Variants in OPA3 observed in about 807,000 individuals in gnomAD.
OPA3 encodes the protein optic atrophy 3 protein.
OPA3 carries 6 observed loss-of-function variants against 4.0 expected under a neutral mutation model. The observed-to-expected ratio is 1.51, with a 90% CI of 0.83 to 2.99. OPA3 has a LOEUF of 2.99. OPA3 is among the 30% of genes most tolerant of loss of function. The pLI is 0.00. For missense variants in OPA3, 235 were observed against 256.2 expected (o/e 0.92, Z 0.56); for synonymous variants, 105 against 117.1 (o/e 0.90, Z 0.67).
chr19:45,527,648 GTCC>G (rs892733826), exon 2 of OPA3: 5 of 152,116 alleles, frequency 3.3e-5, no homozygotes, highest in Admixed American at 3.3e-4. Context: ...GCCTCCAGCA[GTCC>G]TCCTGCTTTG....
At chr19:45,571,319 ATT>A (rs55685706) in intron 1 of OPA3, among the ~76,000 whole-genome samples, 91,468 of 151,222 alleles carry the variant, frequency 0.6, 27,724 homozygotes, top group South Asian at 0.67. Flanking sequence ...AATTTTTTGT[ATT>A]TTTTTAGTAG....
intron 1 of OPA3, among the ~76,000 whole-genome samples, chr19:45,564,282 C>G (rs371153529): frequency 1.0e-5 from 1 of 96,450 alleles, no homozygotes; most frequent in Non-Finnish European, 2.0e-5. Context: ...GCTGCTGAGA[C>G]CTAGGCACCC....
At position 45,553,374 on chromosome 19, in the gene OPA3, T is replaced by C. The variant is rs1969365529; in HGVS notation, c.*140A>G. The C allele has an allele frequency of 1.2e-5, 18 of 1,564,296 alleles. No homozygotes were observed. The highest frequency in any genetic ancestry group is 1.3e-5 in the Non-Finnish European group (15 of 1,162,190). ...CAGTGGCAGGTAACGGCTGCTCTTA[T>C]CAGCAGGGGTAACCAAATGCCAAGT... On this transcript the variant is annotated 3_prime_UTR_variant, in exon 2 of 2. Transcript: ENST00000263275.
chr19:45,575,445 GA>G (rs1419851270), intron 1 of OPA3, among the ~76,000 whole-genome samples: 1 of 151,998 alleles, frequency 6.6e-6, no homozygotes, highest in African/African-American at 2.4e-5. Flanking sequence ...TGTAGAAAAA[GA>G]AAACTGAAAC....
intron 1 of OPA3, among the ~76,000 whole-genome samples, chr19:45,530,211 G>A (rs1322106312): frequency 1.3e-5 from 2 of 152,066 alleles, no homozygotes; most frequent in Non-Finnish European, 2.9e-5. Flanking sequence ...AAAATTAGCC[G>A]GGCGTGATAG....
chr19:45,545,175 A>C (rs1016900236), downstream of OPA3, among the ~76,000 whole-genome samples: 4 of 148,778 alleles, frequency 2.7e-5, no homozygotes, highest in South Asian at 2.1e-4. Context: ...AAAAAAAAAA[A>C]AAACAAAAAA....
chr19:45,583,547 G>A (rs1969887147), intron 1 of OPA3, among the ~76,000 whole-genome samples: 1 of 151,964 alleles, frequency 6.6e-6, no homozygotes, highest in East Asian at 1.9e-4. Flanking sequence ...TGTCGCCCAG[G>A]CTGGAGTGCA....
At chr19:45,567,488 A>C (rs1969600881) in intron 1 of OPA3, among the ~76,000 whole-genome samples, 1 of 152,122 alleles carries the variant, frequency 6.6e-6, no homozygotes, top group Non-Finnish European at 1.5e-5. Flanking sequence ...AAGCAGAACT[A>C]ATCAACAAGG....
In OPA3 at chr19:45,550,126, C is replaced by G; in HGVS notation, c.*3388G>C. On this transcript the variant is annotated 3_prime_UTR_variant, in exon 2 of 2. Transcript: ENST00000263275. ...TGAGCCGAGATTGCACCACTGCACT[C>G]CGTCAGGGTGACGGAGCTAGACTGT... The G allele has an allele frequency of 1.2e-6, 1 of 839,462 alleles. No homozygotes were observed. The highest frequency in any genetic ancestry group is 1.4e-6 in the Non-Finnish European group (1 of 697,104). 52.0% of individuals were successfully genotyped at this position (839,462 alleles called of 1,614,324 possible). A position where few individuals can be genotyped will look rare whatever the true frequency, so the allele number is the denominator to read the frequency against.
chr19:45,560,464 T>C (rs116890811), intron 1 of OPA3, among the ~76,000 whole-genome samples: 18 of 152,264 alleles, frequency 1.2e-4, no homozygotes, highest in African/African-American at 2.6e-4. Flanking sequence ...GAGGTGACCA[T>C]GGACAATGGG....
intron 1 of OPA3, among the ~76,000 whole-genome samples, chr19:45,567,464 T>A (rs1422299920): frequency 1.5e-4 from 23 of 151,796 alleles, no homozygotes; most frequent in Admixed American, 1.5e-3. Flanking sequence ...TCCATTTATA[T>A]CAAGTTGAAC....
Position 45,550,453 on chromosome 19 carries a change from G to A in OPA3, c.*3061C>T, listed in dbSNP as rs1969315932. ...CCACTATCAACGCCACCTCTGGGAT[G>A]GTCTGGGCCTCTGTGTAGAGATCGT... On this transcript the variant is annotated 3_prime_UTR_variant, in exon 2 of 2. Coordinates refer to ENST00000263275, the MANE Select transcript of OPA3 (RefSeq NM_025136.4). 2.0e-6 allele frequency: 2 copies of A among 985,804 alleles called. No individual in the cohort carries two copies. Among genetic ancestry groups the A allele is most frequent in the Non-Finnish European group, 2.4e-6 (2 of 830,358 alleles). 61.1% of individuals were successfully genotyped at this position (985,804 alleles called of 1,614,324 possible).
At chr19:45,561,571 G>A (rs1183538698) in intron 1 of OPA3, among the ~76,000 whole-genome samples, 1 of 152,124 alleles carries the variant, frequency 6.6e-6, no homozygotes, top group Non-Finnish European at 1.5e-5. Context: ...ACCGGTAACC[G>A]GAACTGTATA....
In OPA3 at chr19:45,548,551, G is replaced by A; in HGVS notation, c.*4963C>T. 1.0e-6 allele frequency: 1 copy of A among 985,442 alleles called. No individual in the cohort carries two copies. The highest frequency in any genetic ancestry group is 1.2e-6 in the Non-Finnish European group (1 of 829,950). The allele number at this position is 985,442 out of a possible 1,614,324, so 61.0% of individuals were successfully genotyped here. On this transcript the variant is annotated 3_prime_UTR_variant, in exon 2 of 2. Transcript: ENST00000263275. ...AAAAGAAATGTACGTGTGAGCATCT[G>A]TAAGACCCGGTGACGGCAGGGCTGG... is the stretch of plus-strand genomic sequence containing the variant.
intron 1 of OPA3, among the ~76,000 whole-genome samples, chr19:45,571,021 T>G (rs1969658112): frequency 1.3e-5 from 2 of 151,556 alleles, no homozygotes; most frequent in Admixed American, 6.6e-5. Context: ...TTAAAAATTT[T>G]TATGTTCGTT....
intron 1 of OPA3, among the ~76,000 whole-genome samples, chr19:45,578,665 T>C (rs2122512941): frequency 1.3e-5 from 2 of 151,664 alleles, no homozygotes; most frequent in East Asian, 3.9e-4. Flanking sequence ...CCATCTCTAC[T>C]TAAAATACAA....
At chr19:45,567,585 T>C (rs772412558) in intron 1 of OPA3, among the ~76,000 whole-genome samples, 27 of 152,130 alleles carry the variant, frequency 1.8e-4, no homozygotes, top group Non-Finnish European at 1.5e-5. Flanking sequence ...ACTAGTTACA[T>C]GGGTATATGC....
In OPA3 at chr19:45,549,613, TG is replaced by T; in HGVS notation, c.*3900del. ...CTCGTGCCTCAGCCTCCCGAGTAGC[TG>T]GGATTCAGGAATGTGCCAACATGCC... is the stretch of plus-strand genomic sequence containing the variant. On this transcript the variant is annotated 3_prime_UTR_variant, in exon 2 of 2. Transcript: ENST00000263275. 1.3e-6 allele frequency: 1 copy of T among 774,794 alleles called. No individual in the cohort carries two copies. Among genetic ancestry groups the T allele is most frequent in the Non-Finnish European group, 1.6e-6 (1 of 638,218 alleles). 48.0% of individuals were successfully genotyped at this position (774,794 alleles called of 1,614,324 possible).
chr19:45,584,179 A>C (rs1320912551), intron 1 of OPA3, among the ~76,000 whole-genome samples: 2 of 151,968 alleles, frequency 1.3e-5, no homozygotes, highest in Non-Finnish European at 2.9e-5. Context: ...GAGGATATAC[A>C]AGCACCTCCT....
Sources: gnomAD v4.1 joint callset for allele counts (sites outside exome capture counted in the v4.1 genomes callset) on GRCh38, gnomAD v4.1.1 for gene constraint, MANE v1.5 for transcripts, NCBI Gene and HGNC (gene_info 2026-07-23, HGNC 2026-07-21) for gene names.